MTAP: variants seen among roughly 807,000 people sequenced by gnomAD.
The protein encoded by MTAP is methylthioadenosine phosphorylase.
In MTAP, 33 loss-of-function variants were observed where a neutral mutation model predicts 33.6. The ratio of observed to expected loss-of-function variants is 0.98; its 90% CI spans 0.74 to 1.31. MTAP has a LOEUF of 1.31. Among genes scored for constraint, MTAP ranks in the 40% most tolerant of loss-of-function variants. The pLI is 0.00. For synonymous variants in MTAP, 148 were observed against 125.7 expected (o/e 1.18, Z -1.19); for missense variants, 367 against 360.0 (o/e 1.02, Z -0.16).
At chr9:21,882,383 A>G (rs544472808) in intron 1 of MTAP, among the ~76,000 whole-genome samples, 42 of 152,138 alleles carry the variant, frequency 2.8e-4, no homozygotes, top group South Asian at 8.3e-4. Flanking sequence ...AAAATTGTAA[A>G]ACATTGTTCA....
At chr9:21,823,402 G>T (rs967787147) in intron 4 of MTAP, among the ~76,000 whole-genome samples, 3 of 152,118 alleles carry the variant, frequency 2.0e-5, no homozygotes, top group Non-Finnish European at 4.4e-5. Flanking sequence ...GAAATTCTGG[G>T]TTGAAAATTC....
chr9:21,919,532 G>C (rs1269026442), intron 1 of MTAP, among the ~76,000 whole-genome samples: 1 of 152,216 alleles, frequency 6.6e-6, no homozygotes, highest in Non-Finnish European at 1.5e-5. Flanking sequence ...ATGTGGACTA[G>C]CAAGAGAGTT....
chr9:21,816,807 A>T, intron 3 of MTAP, 35 bp downstream of exon 3: 1 of 1,544,462 alleles, frequency 6.5e-7, no homozygotes, highest in South Asian at 1.2e-5. Flanking sequence ...TGTTACTACT[A>T]AAGGATAATT....
chr9:21,831,833 TAAAG>T (rs1335002026), intron 4 of MTAP, among the ~76,000 whole-genome samples: 2 of 152,026 alleles, frequency 1.3e-5, no homozygotes, highest in Non-Finnish European at 2.9e-5. Context: ...AACTGAATAT[TAAAG>T]GAAGCAGAGT....
chr9:21,825,936 C>G (rs141122647), intron 4 of MTAP, among the ~76,000 whole-genome samples: 1 of 145,264 alleles, frequency 6.9e-6, no homozygotes, highest in East Asian at 2.2e-4. Context: ...ATTTATGTGT[C>G]TTCTTTTGAG....
intron 1 of MTAP, among the ~76,000 whole-genome samples, chr9:21,873,685 C>T (rs1396929161): frequency 6.8e-6 from 1 of 146,168 alleles, no homozygotes; most frequent in African/African-American, 2.5e-5. Flanking sequence ...TTGTTATAGC[C>T]ACCCAAAAGG....
chr9:21,859,452 C>T (rs1587255163), intron 7 of MTAP, 27 bp downstream of exon 7: 1 of 1,597,892 alleles, frequency 6.3e-7, no homozygotes, highest in Non-Finnish European at 8.5e-7. Flanking sequence ...GACAATCAGG[C>T]ATGTCTGTAG....
chr9:21,862,284 C>T lies in MTAP; in HGVS notation c.*270C>T, dbSNP rs1587258037. 3.2e-6 allele frequency: 2 copies of T among 619,984 alleles called. No homozygotes were observed. Among genetic ancestry groups the T allele is most frequent in the African/African-American group, 1.9e-5 (1 of 51,700 alleles). The allele number at this position is 619,984 out of a possible 1,614,324, so 38.4% of individuals were successfully genotyped here. The stretch of plus-strand genomic sequence containing the variant: ...GGGGGAAAAAAAAACCCACCATTCT[C>T]TTCTCCCCCTATTAAATTTGCAACA... On this transcript the variant is annotated 3_prime_UTR_variant, in exon 8 of 8. Coordinates refer to ENST00000644715, the MANE Select transcript of MTAP (RefSeq NM_002451.4).
At chr9:21,929,581 T>C in intron 1 of MTAP, 1 of 368,164 alleles carries the variant, frequency 2.7e-6, no homozygotes, top group Non-Finnish European at 5.7e-6. Context: ...CTCCACCAAA[T>C]GCTGGTTATG....
At chr9:21,889,827 C>T (rs535934806) in intron 1 of MTAP, among the ~76,000 whole-genome samples, 1 of 152,240 alleles carries the variant, frequency 6.6e-6, no homozygotes, top group East Asian at 1.9e-4. Flanking sequence ...TGTGAAGGTC[C>T]TTGGTTGTAT....
intron 1 of MTAP, among the ~76,000 whole-genome samples, chr9:21,890,062 G>T (rs543916104): frequency 6.6e-6 from 1 of 152,114 alleles, no homozygotes; most frequent in African/African-American, 2.4e-5. Context: ...AGACCATCAG[G>T]TGGGGGCAGG....
intron 2 of MTAP, 80 bp from the exon 3 acceptor site, chr9:21,816,633 TC>T (rs1824482214): frequency 8.3e-7 from 1 of 1,205,224 alleles, no homozygotes; most frequent in Middle Eastern, 1.9e-4. Context: ...ATTCCATGAG[TC>T]CTGTTGTGGT....
At chr9:21,829,007 A>G (rs978676901) in intron 4 of MTAP, among the ~76,000 whole-genome samples, 79 of 152,158 alleles carry the variant, frequency 5.2e-4, no homozygotes, top group African/African-American at 1.8e-3. Context: ...CATATATATC[A>G]TTCATTATGT....
chr9:21,880,729 C>A (rs921051756), intron 1 of MTAP, among the ~76,000 whole-genome samples: 3 of 152,002 alleles, frequency 2.0e-5, no homozygotes, highest in African/African-American at 4.8e-5. Context: ...TTGTCCACTG[C>A]AAACTACAAA....
chr9:21,936,603 T>G (rs1454956791), exon 8 of MTAP: 2 of 152,208 alleles, frequency 1.3e-5, no homozygotes, highest in Non-Finnish European at 1.5e-5. Context: ...TTTACATCTG[T>G]TAAAAAACAC....
chr9:21,929,618 G>A (rs754206050), intron 1 of MTAP: 19 of 324,158 alleles, frequency 5.9e-5, no homozygotes, highest in Non-Finnish European at 1.2e-4. Flanking sequence ...AAAACACCAG[G>A]GAGAGCTTAT....
chr9:21,821,680 G>T (rs1396430764), intron 4 of MTAP, among the ~76,000 whole-genome samples: 2 of 152,114 alleles, frequency 1.3e-5, no homozygotes, highest in Non-Finnish European at 2.9e-5. Context: ...TTATTGATTG[G>T]AATAGTTTCA....
Position 21,802,671 on chromosome 9 carries a change from A to C in MTAP, c.-78A>C. On this transcript the variant is annotated 5_prime_UTR_variant, in exon 1 of 8. Coordinates refer to ENST00000644715, the MANE Select transcript of MTAP (RefSeq NM_002451.4). Reference sequence around the variant, plus strand: ...CTCACTCCCGCGCAGTGAGGTTGGCACAGCCACCGCTCTGTGGCTCGCTTG... The same window carrying C: ...CTCACTCCCGCGCAGTGAGGTTGGCCCAGCCACCGCTCTGTGGCTCGCTTG... 3 of 1,558,686 alleles carry C rather than the reference A, an allele frequency of 1.9e-6. No homozygotes were observed. Among genetic ancestry groups the C allele is most frequent in the South Asian group, 2.3e-5 (2 of 88,176 alleles).
At chr9:21,839,050 A>C (rs1825179332) in intron 5 of MTAP, among the ~76,000 whole-genome samples, 1 of 152,174 alleles carries the variant, frequency 6.6e-6, no homozygotes, top group African/African-American at 2.4e-5. Context: ...CAGGGTTGGG[A>C]GAAATATTTC....
Sources: gnomAD v4.1 joint callset for allele counts (sites outside exome capture counted in the v4.1 genomes callset) on GRCh38, gnomAD v4.1.1 for gene constraint, MANE v1.5 for transcripts, NCBI Gene and HGNC (gene_info 2026-07-23, HGNC 2026-07-21) for gene names.